Variants in ANKRD33B observed in about 807,000 individuals in gnomAD.
ANKRD33B encodes the protein ankyrin repeat domain-containing protein 33B.
Under a neutral mutation model 21.5 loss-of-function variants are expected in ANKRD33B, and 6 were observed. The observed-to-expected ratio is 0.28, with a 90% confidence interval of 0.15 to 0.55. The LOEUF (loss-of-function observed/expected upper bound fraction) is 0.55. Among genes scored for constraint, ANKRD33B ranks in the 20% least tolerant of loss-of-function variants. The pLI is 0.94. For missense variants in ANKRD33B, 698 were observed against 747.2 expected (o/e 0.93, Z 0.77); for synonymous variants, 347 against 342.4 (o/e 1.01, Z -0.15).
intron 3 of ANKRD33B, among the ~76,000 whole-genome samples, chr5:10,638,479 T>C (rs1736927782): frequency 6.6e-6 from 1 of 152,204 alleles, no homozygotes; most frequent in African/African-American, 2.4e-5. Context: ...CTGTTCCTCC[T>C]CAGAAAGGGG....
At position 10,653,836 on chromosome 5, in the gene ANKRD33B, A is replaced by G. The variant is rs1737417051; in HGVS notation, c.*3723A>G. Reference sequence around the variant, plus strand: ...CATTTTGTCTGTTTTCGTTGCTTTGAACAGCTGCATTCACTCACCGAGGGC... The same window carrying G: ...CATTTTGTCTGTTTTCGTTGCTTTGGACAGCTGCATTCACTCACCGAGGGC... On this transcript the variant is annotated 3_prime_UTR_variant, in exon 4 of 4. Coordinates refer to ENST00000296657, the MANE Select transcript of ANKRD33B (RefSeq NM_001164440.2). The G allele has an allele frequency of 6.6e-6, 1 of 152,332 alleles. No individual in the cohort carries two copies. The highest frequency in any genetic ancestry group is 2.1e-4 in the South Asian group (1 of 4,824). The allele number at this position is 152,332 out of a possible 1,614,324, so 9.4% of individuals were successfully genotyped here. A position where few individuals can be genotyped will look rare whatever the true frequency, so the allele number is the denominator to read the frequency against.
chr5:10,583,920 T>A (rs1735499467), intron 1 of ANKRD33B, among the ~76,000 whole-genome samples: 1 of 152,196 alleles, frequency 6.6e-6, no homozygotes, highest in African/African-American at 2.4e-5. Context: ...ACAAGGGAGC[T>A]TTTAAAAGTG....
rs533300087 is a variant in ANKRD33B at position 10,576,548 on chromosome 5, C to T, written c.366+11715C>T. ...TCTTTAGTTTCCTTTAGATACCCAT[C>T]TAGAAACTGGGAGGCTTACTATGAA... On this transcript the variant is annotated intron_variant, in intron 1 of 3. Coordinates refer to ENST00000296657, the MANE Select transcript of ANKRD33B (RefSeq NM_001164440.2). The surrounding 1 kb of genome is among the most constrained non-coding windows in gnomAD (Gnocchi z 4.1). Among the ~76,000 whole-genome samples the T allele has an allele frequency of 6.6e-6, 1 of 152,312 alleles. No individual in the cohort carries two copies. Among genetic ancestry groups the T allele is most frequent in the African/African-American group, 2.4e-5 (1 of 41,566 alleles).
At chr5:10,592,303 A>G (rs1383630751) in intron 1 of ANKRD33B, among the ~76,000 whole-genome samples, 1 of 152,078 alleles carries the variant, frequency 6.6e-6, no homozygotes, top group Non-Finnish European at 1.5e-5. Flanking sequence ...TAAACAGAGC[A>G]TATATGTGAT....
chr5:10,569,332 C>T (rs1413126150), intron 1 of ANKRD33B, among the ~76,000 whole-genome samples: 1 of 152,128 alleles, frequency 6.6e-6, no homozygotes, highest in Non-Finnish European at 1.5e-5. Context: ...CGTGGTGGCT[C>T]CTTCCTGTAA....
chr5:10,603,884 T>G (rs903826568), intron 1 of ANKRD33B, among the ~76,000 whole-genome samples: 1 of 151,878 alleles, frequency 6.6e-6, no homozygotes, highest in Non-Finnish European at 1.5e-5. Context: ...TAAAATAATT[T>G]CAAAAGGAGA....
chr5:10,575,662 G>A (rs1285300399), intron 1 of ANKRD33B, among the ~76,000 whole-genome samples: 1 of 152,104 alleles, frequency 6.6e-6, no homozygotes, highest in African/African-American at 2.4e-5. Flanking sequence ...AGGCCACTCT[G>A]CTTCCCTTCA....
chr5:10,614,646 G>A (rs950624767), intron 1 of ANKRD33B, among the ~76,000 whole-genome samples: 2 of 152,212 alleles, frequency 1.3e-5, no homozygotes, highest in African/African-American at 4.8e-5. Flanking sequence ...CAACACTTTG[G>A]GAGGCTGAGG....
chr5:10,573,171 A>C (rs910688801), intron 1 of ANKRD33B, among the ~76,000 whole-genome samples: 3 of 152,184 alleles, frequency 2.0e-5, no homozygotes, highest in African/African-American at 7.2e-5. Flanking sequence ...GACATCATTT[A>C]AAAATAATCT....
In ANKRD33B at chr5:10,650,066, G is replaced by A. The variant is rs1369272963; in HGVS notation, c.1438G>A (p.Glu480Lys). 1.3e-6 allele frequency: 2 copies of A among 1,530,310 alleles called. No homozygotes were observed. The highest frequency in any genetic ancestry group is 1.4e-5 in the African/African-American group (1 of 72,406). The allele number at this position is 1,530,310 out of a possible 1,614,324, so 94.8% of individuals were successfully genotyped here. ...AEEAEKKRQA[E>K]AQKERRTAPW... ...GGAGGCCGAAAAGAAGCGCCAGGCC[G>A]AGGCGCAGAAGGAGAGGCGCACTGC... The change falls in exon 4 of 4, where the codon GAG becomes AAG. Residue 480 changes from glutamate (E) to lysine (K), a missense_variant. Physicochemically the swap from Glu to Lys is moderately conservative, Grantham distance 56. This residue lies in a region of ANKRD33B where 543 missense variants were observed against 566.5 expected (regional missense o/e 0.96). Transcript: ENST00000296657.
At chr5:10,582,555 A>C (rs184258652) in intron 1 of ANKRD33B, among the ~76,000 whole-genome samples, 1 of 152,240 alleles carries the variant, frequency 6.6e-6, no homozygotes, top group East Asian at 1.9e-4. Context: ...TAACAACAGC[A>C]TTGTCTTTGG....
At position 10,649,449 on chromosome 5, in the gene ANKRD33B, C is replaced by T. The variant is rs891602460; in HGVS notation, c.821C>T (p.Ala274Val). 3.3e-6 allele frequency: 5 copies of T among 1,535,118 alleles called. No homozygotes were observed. Among genetic ancestry groups the T allele is most frequent in the South Asian group, 1.2e-5 (1 of 84,014 alleles). The change falls in exon 4 of 4, where the codon GCG becomes GTG. Residue 274 changes from alanine (A) to valine (V), a missense_variant. Coordinates refer to ENST00000296657, the MANE Select transcript of ANKRD33B (RefSeq NM_001164440.2). ...CCCCCTGAAGCGGCGCGGAAGCCCGCGGGCTCCAAGAACTGCCTGCAGAGG... is the reference window on the plus strand; with the variant it reads ...CCCCCTGAAGCGGCGCGGAAGCCCGTGGGCTCCAAGAACTGCCTGCAGAGG... ...PPPPEAARKP[A>V]GSKNCLQRLT...
chr5:10,647,659 T>C (rs1159226092), intron 3 of ANKRD33B, among the ~76,000 whole-genome samples: 1 of 152,200 alleles, frequency 6.6e-6, no homozygotes, highest in Non-Finnish European at 1.5e-5. Context: ...TCAAGAGATT[T>C]ATTTTAAGGA....
intron 1 of ANKRD33B, among the ~76,000 whole-genome samples, chr5:10,597,439 CAAA>C (rs1039591087): frequency 1.3e-5 from 2 of 152,050 alleles, no homozygotes; most frequent in Non-Finnish European, 2.9e-5. Flanking sequence ...TAAAAAAAGA[CAAA>C]GAAGGGCATT....
At position 10,582,500 on chromosome 5, in the gene ANKRD33B, A is replaced by G. The variant is rs546925707; in HGVS notation, c.366+17667A>G. Among the ~76,000 whole-genome samples, 27 of 152,276 alleles carry G rather than the reference A, an allele frequency of 1.8e-4. No individual in the cohort carries two copies. In the Middle Eastern group the frequency reaches 0.02, roughly 115 times the overall value. ...TCTCTCACCAGTCTGTTCTGCTGCC[A>G]CTTCTAGATTTATCTTCATGTATGT... is the stretch of plus-strand genomic sequence containing the variant. On this transcript the variant is annotated intron_variant, in intron 1 of 3. Transcript: ENST00000296657.
At chr5:10,605,643 C>T (rs1427696823) in intron 1 of ANKRD33B, among the ~76,000 whole-genome samples, 1 of 152,094 alleles carries the variant, frequency 6.6e-6, no homozygotes, top group Non-Finnish European at 1.5e-5. Flanking sequence ...ATTCTCTTGC[C>T]TCAGCCTCCC....
intron 1 of ANKRD33B, among the ~76,000 whole-genome samples, chr5:10,571,325 C>T (rs1014619914): frequency 6.6e-6 from 1 of 152,164 alleles, no homozygotes; most frequent in South Asian, 2.1e-4. Context: ...CCTCAGCCTC[C>T]TGAGTAGCTG....
At chr5:10,567,363 T>C (rs1251336385) in intron 1 of ANKRD33B, among the ~76,000 whole-genome samples, 1 of 152,270 alleles carries the variant, frequency 6.6e-6, no homozygotes, top group African/African-American at 2.4e-5. Flanking sequence ...CCTACTGTGC[T>C]CCCGCTAGGT....
At chr5:10,624,775 T>C (rs1531839) in intron 2 of ANKRD33B, 232,906 of 456,486 alleles carry the variant, frequency 0.51, 60,844 homozygotes, top group East Asian at 0.67. Context: ...TGGCTCCCAA[T>C]CTTGCGCCTC....
Sources: allele counts gnomAD v4.1 joint callset (sites outside exome capture counted in the v4.1 genomes callset), GRCh38; gene constraint gnomAD v4.1.1; regional missense constraint gnomAD v4.1.1; non-coding constraint Gnocchi (gnomAD v3.1); transcripts MANE v1.5; gene names NCBI Gene and HGNC (gene_info 2026-07-23, HGNC 2026-07-21).